Variants in PRICKLE2 observed in about 807,000 individuals in gnomAD.
PRICKLE2 encodes prickle planar cell polarity protein 2.
PRICKLE2 carries 21 observed loss-of-function variants against 81.4 expected under a neutral mutation model. The observed-to-expected ratio is 0.26, with a 90% CI of 0.18 to 0.37. PRICKLE2 has a LOEUF of 0.37. PRICKLE2 is among the 10% of genes least tolerant of loss of function. The pLI, the probability that PRICKLE2 is intolerant of heterozygous loss-of-function variation, is 1.00. For missense variants in PRICKLE2, 940 were observed against 1,109.0 expected (o/e 0.85, Z 2.16); for synonymous variants, 456 against 421.5 (o/e 1.08, Z -1.00).
intron 5 of PRICKLE2, 58 bp from the exon 6 acceptor site, chr3:64,153,426 AG>A: frequency 6.4e-7 from 1 of 1,562,554 alleles, no homozygotes. Flanking sequence ...CATATTTTAA[AG>A]GAAGAAAGCT....
At chr3:64,251,941 GC>G (rs1283767101) in intron 2 of PRICKLE2, among the ~76,000 whole-genome samples, 1 of 152,130 alleles carries the variant, frequency 6.6e-6, no homozygotes, top group African/African-American at 2.4e-5. Flanking sequence ...GGACATAAAT[GC>G]CCTGATGCAC....
At chr3:64,119,438 C>T (rs1160348237) in intron 7 of PRICKLE2, among the ~76,000 whole-genome samples, 4 of 152,062 alleles carry the variant, frequency 2.6e-5, no homozygotes. Flanking sequence ...TACGAGCTAC[C>T]AACACACATA....
At chr3:64,199,226 T>G (rs1164457066) in intron 1 of PRICKLE2, 1 of 587,286 alleles carries the variant, frequency 1.7e-6, no homozygotes, top group African/African-American at 1.9e-5. Context: ...ACCCCAGCCT[T>G]CTCTTCTAAA....
intron 1 of PRICKLE2, among the ~76,000 whole-genome samples, chr3:64,215,371 C>A (rs564127568): frequency 1.4e-4 from 21 of 152,316 alleles, no homozygotes; most frequent in African/African-American, 4.8e-4. Context: ...TTTCACTATT[C>A]CCATCATCAA....
chr3:64,175,501 C>T (rs950658351), intron 2 of PRICKLE2, among the ~76,000 whole-genome samples: 1 of 152,136 alleles, frequency 6.6e-6, no homozygotes, highest in African/African-American at 2.4e-5. Flanking sequence ...ACAAGCATTG[C>T]AAGCTTCTGA....
chr3:64,135,041 C>T (rs1335750886), intron 7 of PRICKLE2, among the ~76,000 whole-genome samples: 2 of 152,148 alleles, frequency 1.3e-5, no homozygotes, highest in African/African-American at 2.4e-5. Flanking sequence ...GATGGTCTCA[C>T]CAAAAGCTCA....
intron 7 of PRICKLE2, among the ~76,000 whole-genome samples, chr3:64,129,920 T>C (rs1211074150): frequency 6.6e-6 from 1 of 152,190 alleles, no homozygotes; most frequent in East Asian, 1.9e-4. Context: ...GGGGAACCCC[T>C]TCCCATCAGA....
At chr3:64,263,864 T>C (rs2079654555) in intron 2 of PRICKLE2, among the ~76,000 whole-genome samples, 1 of 152,176 alleles carries the variant, frequency 6.6e-6, no homozygotes, top group Non-Finnish European at 1.5e-5. Context: ...CCTCAAGTTG[T>C]TGCCACGAGG....
intron 2 of PRICKLE2, among the ~76,000 whole-genome samples, chr3:64,183,652 T>G (rs896077395): frequency 6.6e-6 from 1 of 152,202 alleles, no homozygotes; most frequent in Non-Finnish European, 1.5e-5. Flanking sequence ...TTACTGTTCA[T>G]GAACTCTATC....
At chr3:64,163,653 CCAT>C (rs2077771487) in intron 2 of PRICKLE2, 1 of 184,430 alleles carries the variant, frequency 5.4e-6, no homozygotes, top group Middle Eastern at 2.7e-3. Context: ...CAGCTGACAT[CCAT>C]CAGAAATAGA....
intron 2 of PRICKLE2, among the ~76,000 whole-genome samples, chr3:64,167,331 T>A (rs2077851386): frequency 6.6e-6 from 1 of 152,244 alleles, no homozygotes; most frequent in Non-Finnish European, 1.5e-5. Context: ...GTCTGTTGAA[T>A]GTGCTAAAGA....
intron 1 of PRICKLE2, among the ~76,000 whole-genome samples, chr3:64,212,352 G>C (rs965321008): frequency 6.6e-6 from 1 of 152,194 alleles, no homozygotes; most frequent in African/African-American, 2.4e-5. Context: ...ACATTTATCA[G>C]AGCAAGTTCT....
In PRICKLE2 at chr3:64,099,015, G is replaced by C. The variant is rs747166534; in HGVS notation, c.*36C>G. ...GCAAGTTTCTGACTTTACATTCTTAGCTCCCATCTTCTCCCATTCCCTGAT... is the reference window on the plus strand; with the variant it reads ...GCAAGTTTCTGACTTTACATTCTTACCTCCCATCTTCTCCCATTCCCTGAT... On this transcript the variant is annotated 3_prime_UTR_variant, in exon 8 of 8. Coordinates refer to ENST00000638394, the MANE Select transcript of PRICKLE2 (RefSeq NM_198859.4). This position sits in a 1 kb window ranked among gnomAD's most constrained non-coding sequence, Gnocchi z 4.3. 17 of 1,611,768 alleles carry C rather than the reference G, an allele frequency of 1.1e-5. 1 individual carries two copies. The highest frequency in any genetic ancestry group is 4.4e-5 in the South Asian group (4 of 91,004).
At chr3:64,190,540 A>C (rs145108492) in intron 2 of PRICKLE2, among the ~76,000 whole-genome samples, 1 of 152,336 alleles carries the variant, frequency 6.6e-6, no homozygotes, top group African/African-American at 2.4e-5. Flanking sequence ...ACACTGCCTG[A>C]CACATAGTAG....
At chr3:64,172,292 A>G (rs1021228324) in intron 2 of PRICKLE2, among the ~76,000 whole-genome samples, 1 of 152,268 alleles carries the variant, frequency 6.6e-6, no homozygotes, top group Non-Finnish European at 1.5e-5. Flanking sequence ...ATTTGCGTAT[A>G]TGCCCTATTA....
chr3:64,198,992 G>A, intron 1 of PRICKLE2, 25 bp from the exon 2 acceptor site: 1 of 1,609,432 alleles, frequency 6.2e-7, no homozygotes, highest in Non-Finnish European at 8.5e-7. Flanking sequence ...GGTAGAAGGT[G>A]AGAAAGAGGA....
At chr3:64,194,388 T>C (rs1180931398) in intron 2 of PRICKLE2, 2 of 152,230 alleles carry the variant, frequency 1.3e-5, no homozygotes, top group Non-Finnish European at 2.9e-5. Flanking sequence ...TGCTGAGATG[T>C]CCTCCAGTTT....
intron 2 of PRICKLE2, among the ~76,000 whole-genome samples, chr3:64,255,365 C>A (rs1027085508): frequency 2.0e-5 from 3 of 152,264 alleles, no homozygotes; most frequent in African/African-American, 7.2e-5. Flanking sequence ...AGCCATGTGC[C>A]CTGATTCAGT....
At chr3:64,246,220 C>T (rs1476832074) in intron 2 of PRICKLE2, among the ~76,000 whole-genome samples, 7 of 151,958 alleles carry the variant, frequency 4.6e-5, no homozygotes, top group Admixed American at 2.0e-4. Flanking sequence ...CCAGCCTGGG[C>T]GACAAAGCAA....
Sources: allele counts gnomAD v4.1 joint callset (sites outside exome capture counted in the v4.1 genomes callset), GRCh38; gene constraint gnomAD v4.1.1; non-coding constraint Gnocchi (gnomAD v3.1); transcripts MANE v1.5; gene names NCBI Gene and HGNC (gene_info 2026-07-23, HGNC 2026-07-21).